Variants in ARHGAP12 observed in about 807,000 individuals in gnomAD.
The protein encoded by ARHGAP12 is Rho GTPase activating protein 12, also known as rho GTPase-activating protein 12.
Under a neutral mutation model 108.6 loss-of-function variants are expected in ARHGAP12, and 64 were observed. The observed-to-expected ratio is 0.59, with a 90% CI of 0.48 to 0.73. The LOEUF is 0.73. ARHGAP12 is among the 30% of genes least tolerant of loss of function. The probability of loss-of-function intolerance (pLI) is 0.00; values close to 1 mark genes in which losing one functional copy is unlikely to be tolerated. For synonymous variants in ARHGAP12, 312 were observed against 337.2 expected (o/e 0.93, Z 0.82); for missense variants, 940 against 1,005.9 (o/e 0.93, Z 0.89).
chr10:31,839,544 C>T (rs1836169434), intron 8 of ARHGAP12, 93 bp downstream of exon 8: 2 of 1,219,530 alleles, frequency 1.6e-6, no homozygotes, highest in Non-Finnish European at 2.3e-6. Context: ...TTAATAGAAG[C>T]TCATTTAAAC....
At chr10:31,887,279 T>C (rs977823153) in intron 3 of ARHGAP12, among the ~76,000 whole-genome samples, 2 of 152,128 alleles carry the variant, frequency 1.3e-5, no homozygotes, top group Non-Finnish European at 2.9e-5. Context: ...CCAAATTGGA[T>C]GAGGCCCACC....
intron 4 of ARHGAP12, among the ~76,000 whole-genome samples, chr10:31,856,619 T>C (rs1256083023): frequency 6.6e-6 from 1 of 152,194 alleles, no homozygotes; most frequent in African/African-American, 2.4e-5. Flanking sequence ...GCTAAAGATG[T>C]ACTTTTAAAT....
At chr10:31,921,915 T>A (rs1178904373) in intron 1 of ARHGAP12, among the ~76,000 whole-genome samples, 1 of 150,566 alleles carries the variant, frequency 6.6e-6, no homozygotes, top group Non-Finnish European at 1.5e-5. Context: ...ACTGTCCAGG[T>A]GCAATGGCTC....
chr10:31,833,335 A>T lies in ARHGAP12; in HGVS notation c.1387-1535T>A, dbSNP rs72771475. Among the ~76,000 whole-genome samples the T allele has an allele frequency of 3.1e-3, 171 of 56,028 alleles. 1 individual carries two copies. The highest frequency in any genetic ancestry group is 6.9e-3 in the Admixed American group (35 of 5,086). The allele number at this position is 56,028 out of a possible 152,430, so 36.8% of individuals were successfully genotyped here. On this transcript the variant is annotated intron_variant, in intron 9 of 19. Coordinates refer to ENST00000344936, the MANE Select transcript of ARHGAP12 (RefSeq NM_018287.7). ...AAAATGCCACAGCTGAATTTGTATTAAAAAAAAAAAAAAGCAGAGGCAGGA... is the reference window on the plus strand; with the variant it reads ...AAAATGCCACAGCTGAATTTGTATTTAAAAAAAAAAAAAGCAGAGGCAGGA...
chr10:31,922,033 T>C (rs951900440), intron 1 of ARHGAP12, among the ~76,000 whole-genome samples: 3 of 149,906 alleles, frequency 2.0e-5, no homozygotes, highest in African/African-American at 4.9e-5. Flanking sequence ...CTACCAAAAA[T>C]ACAAAAAATT....
chr10:31,829,154 A>AAACAAC (rs35308949), intron 10 of ARHGAP12, among the ~76,000 whole-genome samples: 53 of 151,430 alleles, frequency 3.5e-4, no homozygotes, highest in South Asian at 6.3e-4. Context: ...TCTGTCTCAA[A>AAACAAC]AACAACAACA....
At position 31,843,392 on chromosome 10, in the gene ARHGAP12, A is replaced by G. The variant is rs1034599655; in HGVS notation, c.1296+69T>C. The G allele has an allele frequency of 1.0e-5, 15 of 1,437,376 alleles. No homozygotes were observed. In the East Asian group the frequency reaches 1.2e-4, roughly 11 times the overall value. 89.0% of individuals were successfully genotyped at this position (1,437,376 alleles called of 1,614,324 possible). On this transcript the variant is annotated intron_variant, in intron 7 of 19. Coordinates refer to ENST00000344936, the MANE Select transcript of ARHGAP12 (RefSeq NM_018287.7). Reference sequence around the variant, plus strand: ...ATATTTACTAAATACATAAAATATTAGTACGAATAGTTACAATTCACTGTA... The same window carrying G: ...ATATTTACTAAATACATAAAATATTGGTACGAATAGTTACAATTCACTGTA...
At chr10:31,918,429 ACAGTGGCTCATAT>A (rs1006608401) in intron 1 of ARHGAP12, among the ~76,000 whole-genome samples, 2 of 152,026 alleles carry the variant, frequency 1.3e-5, no homozygotes, top group Non-Finnish European at 2.9e-5. Context: ...TAGACCAAGT[ACAGTGGCTCATAT>A]CTGTAATCCC....
chr10:31,902,302 G>A (rs1441054177), intron 3 of ARHGAP12, among the ~76,000 whole-genome samples: 1 of 148,604 alleles, frequency 6.7e-6, no homozygotes, highest in Non-Finnish European at 1.5e-5. Flanking sequence ...TCAACAAATG[G>A]TACTATAACA....
At chr10:31,857,134 C>T (rs919097401) in intron 4 of ARHGAP12, among the ~76,000 whole-genome samples, 3 of 152,076 alleles carry the variant, frequency 2.0e-5, no homozygotes, top group Non-Finnish European at 2.9e-5. Flanking sequence ...CATACGCACA[C>T]GTGTGTATGT....
chr10:31,912,212 G>C (rs1349167213), intron 1 of ARHGAP12, among the ~76,000 whole-genome samples: 1 of 152,164 alleles, frequency 6.6e-6, no homozygotes, highest in African/African-American at 2.4e-5. Flanking sequence ...TTCCAGGAAA[G>C]TAATAAAATA....
intron 9 of ARHGAP12, among the ~76,000 whole-genome samples, chr10:31,838,525 A>T (rs1171862734): frequency 6.6e-6 from 1 of 151,742 alleles, no homozygotes; most frequent in African/African-American, 2.4e-5. Context: ...CTCCATAAAA[A>T]TTTTTAAAAA....
At chr10:31,883,075 T>C (rs1430697581) in intron 3 of ARHGAP12, among the ~76,000 whole-genome samples, 1 of 151,946 alleles carries the variant, frequency 6.6e-6, no homozygotes, top group African/African-American at 2.4e-5. Flanking sequence ...GCAGGTGGAT[T>C]ATCTGAGGTC....
At chr10:31,861,768 A>G in intron 3 of ARHGAP12, 110 bp from the exon 4 acceptor site, 1 of 928,654 alleles carries the variant, frequency 1.1e-6, no homozygotes, top group Admixed American at 3.0e-5. Context: ...TAAAACATAT[A>G]TACAGGTGAA....
intron 15 of ARHGAP12, among the ~76,000 whole-genome samples, chr10:31,811,064 AC>A (rs887613300): frequency 2.4e-4 from 37 of 151,976 alleles, no homozygotes; most frequent in African/African-American, 8.9e-4. Context: ...TACTTTAATA[AC>A]CCCTCTGACC....
intron 9 of ARHGAP12, among the ~76,000 whole-genome samples, chr10:31,836,728 G>A (rs1836031969): frequency 6.6e-6 from 1 of 152,170 alleles, no homozygotes; most frequent in Non-Finnish European, 1.5e-5. Flanking sequence ...GGGTACGAGT[G>A]AGAAAGAGAC....
At chr10:31,826,568 T>C (rs1835619092) in intron 10 of ARHGAP12, among the ~76,000 whole-genome samples, 183 bp from the exon 11 acceptor site, 1 of 152,218 alleles carries the variant, frequency 6.6e-6, no homozygotes, top group East Asian at 1.9e-4. Flanking sequence ...GGTTCAAACC[T>C]GATCATGAAG....
At chr10:31,897,338 T>G (rs949122299) in intron 3 of ARHGAP12, among the ~76,000 whole-genome samples, 4 of 152,106 alleles carry the variant, frequency 2.6e-5, no homozygotes, top group Non-Finnish European at 5.9e-5. Context: ...GAGACACTTG[T>G]AAAATTCACA....
At chr10:31,877,721 G>A (rs1469944397) in intron 3 of ARHGAP12, among the ~76,000 whole-genome samples, 1 of 152,154 alleles carries the variant, frequency 6.6e-6, no homozygotes, top group African/African-American at 2.4e-5. Context: ...TGCTTAATGA[G>A]GTTTTTCAAA....
Sources: allele counts gnomAD v4.1 joint callset (sites outside exome capture counted in the v4.1 genomes callset), GRCh38; gene constraint gnomAD v4.1.1; transcripts MANE v1.5; gene names NCBI Gene and HGNC (gene_info 2026-07-23, HGNC 2026-07-21).